Variants in RNF123 observed in about 807,000 individuals in gnomAD.
RNF123 encodes the protein E3 ubiquitin-protein ligase RNF123.
Under a neutral mutation model 168.5 loss-of-function variants are expected in RNF123, and 86 were observed. That is an observed-to-expected ratio of 0.51 (90% CI 0.43 to 0.61). The LOEUF (loss-of-function observed/expected upper bound fraction) is 0.61, where lower values mean the gene tolerates loss of function less well. Ranked by LOEUF, RNF123 falls within the 20% of genes least tolerant of loss-of-function variation. RNF123 has a pLI of 0.00. For missense variants in RNF123, 1,419 were observed against 1,729.7 expected, an observed-to-expected ratio of 0.82 and a Z score of 3.19; for synonymous variants, 666 against 689.1, an observed-to-expected ratio of 0.97 and a Z score of 0.52.
intron 30 of RNF123, 40 bp from the exon 31 acceptor site, chr3:49,714,050 G>A (rs372046511): frequency 2.5e-5 from 41 of 1,612,668 alleles, no homozygotes; most frequent in South Asian, 8.8e-5. Flanking sequence ...GAGAGGGTGC[G>A]CTGTCCCATT....
chr3:49,702,145 G>C lies in RNF123; in HGVS notation c.1557+1G>C. 1 of 1,614,100 alleles carries C rather than the reference G, an allele frequency of 6.2e-7. No homozygotes were observed. Among genetic ancestry groups the C allele is most frequent in the Non-Finnish European group, 8.5e-7 (1 of 1,179,944 alleles). On this transcript the variant is annotated splice_donor_variant, in intron 18 of 38. Transcript: ENST00000327697. LOFTEE classifies it high-confidence loss of function. The stretch of plus-strand genomic sequence containing the variant: ...GCTGGACAATAAAGATGACAATGGG[G>C]TGAGTGACTCCCAGGAGCCCTGGGT...
chr3:49,711,894 C>T (rs769989544), intron 26 of RNF123, among the ~76,000 whole-genome samples: 9 of 152,102 alleles, frequency 5.9e-5, no homozygotes, highest in Non-Finnish European at 1.0e-4. Context: ...TGCTTACCAT[C>T]GCCAGCTCTC....
chr3:49,700,047 C>T (rs924044497), intron 12 of RNF123, 180 bp from the exon 13 acceptor site: 10 of 826,988 alleles, frequency 1.2e-5, no homozygotes, highest in Middle Eastern at 3.6e-4. Context: ...TTAGAGGAGC[C>T]GTGGGGCAAT....
rs182626818 is a variant in RNF123 at position 49,702,801 on chromosome 3, C to T, written c.1750+48C>T. On this transcript the variant is annotated intron_variant, in intron 20 of 38. Coordinates refer to ENST00000327697, the MANE Select transcript of RNF123 (RefSeq NM_022064.5). ...GTCAGTGAGGCTGGACAGAGCCAGG[C>T]GTAGGGCAGCCCCTAATGTTAGTGC... 2.6e-4 allele frequency: 418 copies of T among 1,612,320 alleles called. 1 individual carries two copies. The African/African-American group carries it at 4.5e-3, about 17-fold the overall frequency.
Position 49,716,233 on chromosome 3 carries a change from AG to A in RNF123, c.3415+58del, listed in dbSNP as rs1205024218. 2.5e-6 allele frequency: 4 copies of A among 1,589,936 alleles called. No individual in the cohort carries two copies. The African/African-American group carries it at 4.0e-5, about 16-fold the overall frequency. ...CACTACAGGCCTCGGTTCCTCTGCT[AG>A]GAACAGTGAGGCCTGATTCCACATT... On this transcript the variant is annotated intron_variant, in intron 34 of 38. Coordinates refer to ENST00000327697, the MANE Select transcript of RNF123 (RefSeq NM_022064.5).
rs1168881514 is a variant in RNF123 at position 49,719,588 on chromosome 3, G to T, written c.3501-923G>T. Reference sequence around the variant, plus strand: ...TGGCCCTTGCCGAGGAGGCACGGCGGGTTCTTGCCAGCCGACGGCCCCTAC... The same window carrying T: ...TGGCCCTTGCCGAGGAGGCACGGCGTGTTCTTGCCAGCCGACGGCCCCTAC... On this transcript the variant is annotated intron_variant, in intron 35 of 38. Transcript: ENST00000327697. The T allele has an allele frequency of 3.5e-6, 3 of 854,614 alleles. No homozygotes were observed. The Admixed American group carries it at 8.5e-5, about 24-fold the overall frequency. 52.9% of individuals were successfully genotyped at this position (854,614 alleles called of 1,614,324 possible).
At chr3:49,704,958 G>C in intron 22 of RNF123, 26 bp from the exon 23 acceptor site, 2 of 1,578,860 alleles carry the variant, frequency 1.3e-6, no homozygotes, top group Non-Finnish European at 1.7e-6. Context: ...GCCAGCCCTG[G>C]TCCTGGCCGC....
intron 26 of RNF123, among the ~76,000 whole-genome samples, chr3:49,711,196 C>T (rs1319963919): frequency 2.6e-5 from 4 of 152,316 alleles, no homozygotes; most frequent in South Asian, 2.1e-4. Flanking sequence ...ATTAGCAGGG[C>T]GTGGTATCAC....
At chr3:49,695,029 G>T (rs2054239930) in intron 3 of RNF123, among the ~76,000 whole-genome samples, 1 of 152,234 alleles carries the variant, frequency 6.6e-6, no homozygotes. Flanking sequence ...GCTGTCTCAG[G>T]CCGACTGCCC....
rs146619038 is a variant in RNF123, at chr3:49,705,613, G to A, written c.2238G>A (p.Ser746=). 5.8e-5 allele frequency: 94 copies of A among 1,613,982 alleles called. 1 individual carries two copies. In the East Asian group the frequency reaches 1.2e-3, roughly 20 times the overall value. ...EEPEQPLTEN[S]LLEVLDGAVM... is the part of the protein sequence containing the mutation. ...CTGAGCAGCCCCTCACCGAGAACTC[G>A]CTGCTGGAAGTCCTGGATGGGGCGG... The change falls in exon 24 of 39, where the codon TCG becomes TCA. Residue 746 remains serine (S), a synonymous_variant. Coordinates refer to ENST00000327697, the MANE Select transcript of RNF123 (RefSeq NM_022064.5).
intron 35 of RNF123, chr3:49,718,889 TGGA>T: frequency 6.2e-7 from 1 of 1,613,568 alleles, no homozygotes; most frequent in South Asian, 1.1e-5. Flanking sequence ...CCCAGCCGGT[TGGA>T]GGAGAGGTCC....
intron 36 of RNF123, 55 bp downstream of exon 36, chr3:49,720,708 G>A (rs2080385517): frequency 1.9e-6 from 3 of 1,603,148 alleles, no homozygotes; most frequent in Non-Finnish European, 2.6e-6. Context: ...CGGGTCAGGA[G>A]CCTTAAGAAC....
Position 49,715,624 on chromosome 3 carries a change from GCA to G in RNF123, c.3061_3062del (p.Gln1021GlyfsTer3). 6.2e-7 allele frequency: 1 copy of G among 1,614,152 alleles called. No individual in the cohort carries two copies. Among genetic ancestry groups the G allele is most frequent in the Non-Finnish European group, 8.5e-7 (1 of 1,180,018 alleles). On this transcript the variant is annotated frameshift_variant, in exon 32 of 39. Transcript: ENST00000327697. LOFTEE classifies it high-confidence loss of function. ...AGCAGCACATGGCGGACCTCCTACA[GCA>G]GGGTCCTGATGTGGCACCCAGCTTC... is the stretch of plus-strand genomic sequence containing the variant. ...LQQHMADLLQQGPDVAPSFLN... is the reference protein window; with the variant it reads ...LQQHMADLLQXGPDVAPSFLN...
chr3:49,697,504 A>G (rs1422924121), intron 5 of RNF123, 47 bp downstream of exon 5: 1 of 1,438,222 alleles, frequency 7.0e-7, no homozygotes, highest in African/African-American at 1.4e-5. Flanking sequence ...CCCTTCTGAC[A>G]TAGCCCCAGG....
chr3:49,691,097 G>T lies in RNF123; in HGVS notation c.-36-33G>T, dbSNP rs532805885. On this transcript the variant is annotated intron_variant, in intron 1 of 38. Coordinates refer to ENST00000327697, the MANE Select transcript of RNF123 (RefSeq NM_022064.5). ...GGTCAGGTGTGGGGGCCCCTGGCTG[G>T]CCCTGAGTAGACAGGCTCTGTGTCT... 2,739 of 1,483,122 alleles carry T rather than the reference G, an allele frequency of 1.8e-3. 4 individuals carry two copies. Among genetic ancestry groups the T allele is most frequent in the Non-Finnish European group, 2.4e-3 (2,561 of 1,069,440 alleles). The allele number at this position is 1,483,122 out of a possible 1,614,324, so 91.9% of individuals were successfully genotyped here.
Position 49,721,004 on chromosome 3 carries a change from A to ACTC in RNF123, c.3739-15_3739-13dup. 6.2e-7 allele frequency: 1 copy of ACTC among 1,607,212 alleles called. No individual in the cohort carries two copies. The highest frequency in any genetic ancestry group is 8.5e-7 in the Non-Finnish European group (1 of 1,175,776). ...GGCATCCAACTCCAGCCCACCCTTC[A>ACTC]CTCTCCTCCCTGCAGCCCACCAGTG... On this transcript the variant is annotated splice_polypyrimidine_tract_variant and intron_variant, in intron 37 of 38. Transcript: ENST00000327697.
intron 35 of RNF123, chr3:49,716,693 T>G (rs2080251404): frequency 2.0e-6 from 1 of 510,732 alleles, no homozygotes; most frequent in African/African-American, 1.9e-5. Context: ...GCAGGACAGG[T>G]GGCCCTGGCC....
intron 26 of RNF123, among the ~76,000 whole-genome samples, chr3:49,707,473 A>G (rs2054541651): frequency 6.6e-6 from 1 of 152,138 alleles, no homozygotes; most frequent in South Asian, 2.1e-4. Flanking sequence ...GGACAGACAG[A>G]TGGATGGGGC....
Position 49,716,831 on chromosome 3 carries a change from G to A in RNF123, c.3500+354G>A, listed in dbSNP as rs115601674. ...GCTGAACACACGGAGGACCGCCATT[G>A]TCTGCAAAGGCTCTAGCAATAAGCA... On this transcript the variant is annotated intron_variant, in intron 35 of 38. Transcript: ENST00000327697. The A allele has an allele frequency of 8.4e-4, 200 of 237,792 alleles. 2 individuals are homozygous for A. The highest frequency in any genetic ancestry group is 4.2e-3 in the African/African-American group (191 of 45,054). 14.7% of individuals were successfully genotyped at this position (237,792 alleles called of 1,614,324 possible).
Sources: allele counts gnomAD v4.1 joint callset (sites outside exome capture counted in the v4.1 genomes callset), GRCh38; gene constraint gnomAD v4.1.1; transcripts MANE v1.5; gene names NCBI Gene and HGNC (gene_info 2026-07-23, HGNC 2026-07-21).